Variants in SCD5 observed in about 807,000 individuals in gnomAD.
SCD5 encodes acyl-CoA-desaturase 4.
SCD5 carries 20 observed loss-of-function variants against 30.4 expected under a neutral mutation model. That is an observed-to-expected ratio of 0.66 (90% CI 0.46 to 0.96). SCD5 has a LOEUF of 0.96. Among genes scored for constraint, SCD5 ranks in the 40% least tolerant of loss-of-function variants. The probability of loss-of-function intolerance (pLI) is 0.00; values close to 1 mark genes in which losing one functional copy is unlikely to be tolerated. For missense variants in SCD5, 381 were observed against 443.3 expected (o/e 0.86, Z 1.26); for synonymous variants, 173 against 176.4 (o/e 0.98, Z 0.16).
intron 1 of SCD5, among the ~76,000 whole-genome samples, chr4:82,744,513 T>C (rs1053703640): frequency 6.6e-6 from 1 of 152,162 alleles, no homozygotes; most frequent in Admixed American, 6.5e-5. Context: ...TCTGTTGGCT[T>C]AAAGCCAGTC....
At chr4:82,777,594 A>G (rs1721771487) in intron 1 of SCD5, among the ~76,000 whole-genome samples, 1 of 152,204 alleles carries the variant, frequency 6.6e-6, no homozygotes, top group South Asian at 2.1e-4. Flanking sequence ...GGTTAAATGC[A>G]CTGCTATCAC....
intron 3 of SCD5, among the ~76,000 whole-genome samples, chr4:82,656,602 T>C (rs1433130887): frequency 2.6e-5 from 4 of 152,242 alleles, no homozygotes; most frequent in Admixed American, 2.6e-4. Flanking sequence ...TTATAATCCT[T>C]TGGGCATATA....
chr4:82,664,999 C>CTATATATATA (rs70964800), intron 3 of SCD5, among the ~76,000 whole-genome samples: 108 of 70,458 alleles, frequency 1.5e-3, no homozygotes, highest in African/African-American at 1.8e-3. Flanking sequence ...CTCTCTCTCT[C>CTATATATATA]TATATATATA....
chr4:82,707,534 A>C (rs960962606), intron 1 of SCD5, among the ~76,000 whole-genome samples: 7 of 152,246 alleles, frequency 4.6e-5, no homozygotes, highest in African/African-American at 1.4e-4. Flanking sequence ...GAATATAGCA[A>C]TATTGAGGGA....
rs150605123 is a variant in SCD5 at position 82,763,025 on chromosome 4, C to T, written c.232+35281G>A. Among the ~76,000 whole-genome samples, 3 of 152,298 alleles carry T rather than the reference C, an allele frequency of 2.0e-5. No homozygotes were observed. The East Asian group carries it at 5.8e-4, about 29-fold the overall frequency. Reference sequence around the variant, plus strand: ...CACTGTCATCCTAAGGTCAGAGAGGCACAGCCTGCTGCCCAATAATTACAG... The same window carrying T: ...CACTGTCATCCTAAGGTCAGAGAGGTACAGCCTGCTGCCCAATAATTACAG... On this transcript the variant is annotated intron_variant, in intron 1 of 4. Coordinates refer to ENST00000319540, the MANE Select transcript of SCD5 (RefSeq NM_001037582.3).
In SCD5 at chr4:82,631,515, C is replaced by T; in HGVS notation, c.805G>A (p.Glu269Lys). 1 of 1,613,626 alleles carries T rather than the reference C, an allele frequency of 6.2e-7. No homozygotes were observed. The highest frequency in any genetic ancestry group is 8.5e-7 in the Non-Finnish European group (1 of 1,179,626). Reference protein sequence around the residue: ...NPLVALGAIGEGFHNYHHTFP... With the variant: ...NPLVALGAIGKGFHNYHHTFP... The stretch of plus-strand genomic sequence containing the variant: ...GTGTGATGGTAATTATGGAAGCCTT[C>T]ACCTGGAAGACAAAGCGGGCATTGA... Residue 269 changes from glutamate (E) to lysine (K), a missense_variant and splice_region_variant, in exon 5 of 5, where the codon GAA becomes AAA. Glu to Lys is a moderately conservative substitution (Grantham distance 56). Transcript: ENST00000319540.
intron 3 of SCD5, among the ~76,000 whole-genome samples, chr4:82,655,888 A>G (rs539514587): frequency 6.6e-6 from 1 of 152,324 alleles, no homozygotes; most frequent in South Asian, 2.1e-4. Flanking sequence ...TGTTGCTGAC[A>G]TGTCTGCTGT....
chr4:82,677,322 T>G (rs1002335580), intron 3 of SCD5, among the ~76,000 whole-genome samples: 1 of 152,202 alleles, frequency 6.6e-6, no homozygotes, highest in African/African-American at 2.4e-5. Flanking sequence ...CCATGAGAAG[T>G]GTGCCACTGA....
At chr4:82,700,652 T>A (rs1474780172) in intron 2 of SCD5, among the ~76,000 whole-genome samples, 1 of 151,938 alleles carries the variant, frequency 6.6e-6, no homozygotes, top group South Asian at 2.1e-4. Context: ...CTGGGTGTGG[T>A]GCTATGTGCC....
chr4:82,789,516 G>C (rs1276073442), intron 1 of SCD5, among the ~76,000 whole-genome samples: 1 of 152,194 alleles, frequency 6.6e-6, no homozygotes, highest in Non-Finnish European at 1.5e-5. Flanking sequence ...AAGCTCCCAG[G>C]TGATGCTGAT....
intron 1 of SCD5, among the ~76,000 whole-genome samples, chr4:82,725,742 C>A (rs1415016101): frequency 6.6e-6 from 1 of 152,054 alleles, no homozygotes; most frequent in Non-Finnish European, 1.5e-5. Flanking sequence ...TGCCTGTAGT[C>A]CCAGCTACCC....
At chr4:82,637,520 C>T (rs1417041095) in intron 3 of SCD5, among the ~76,000 whole-genome samples, 3 of 152,242 alleles carry the variant, frequency 2.0e-5, no homozygotes, top group African/African-American at 7.2e-5. Flanking sequence ...GAGCTAAGTG[C>T]TGGCAATACA....
chr4:82,641,540 G>A (rs1727547524), intron 3 of SCD5, among the ~76,000 whole-genome samples: 1 of 152,166 alleles, frequency 6.6e-6, no homozygotes, highest in Non-Finnish European at 1.5e-5. Context: ...AAGACTTGGG[G>A]AAGTGAGAAG....
intron 1 of SCD5, among the ~76,000 whole-genome samples, chr4:82,739,547 G>A (rs961261549): frequency 6.6e-6 from 1 of 152,278 alleles, no homozygotes; most frequent in Non-Finnish European, 1.5e-5. Flanking sequence ...CCTGCTGGTT[G>A]TGTGCGGTGG....
chr4:82,715,767 C>T (rs561275053), intron 1 of SCD5, among the ~76,000 whole-genome samples: 1 of 151,800 alleles, frequency 6.6e-6, no homozygotes, highest in African/African-American at 2.4e-5. Context: ...GAACTCTTAG[C>T]TGTCATAGGA....
At chr4:82,757,846 T>A (rs1721265590) in intron 1 of SCD5, among the ~76,000 whole-genome samples, 1 of 152,180 alleles carries the variant, frequency 6.6e-6, no homozygotes, top group South Asian at 2.1e-4. Flanking sequence ...TCCTAACACA[T>A]GAAAAATACC....
intron 1 of SCD5, among the ~76,000 whole-genome samples, chr4:82,734,139 G>A (rs939899898): frequency 1.3e-5 from 2 of 152,200 alleles, no homozygotes; most frequent in South Asian, 2.1e-4. Flanking sequence ...CAAGCTTATG[G>A]GGCAAGAAGG....
intron 1 of SCD5, among the ~76,000 whole-genome samples, chr4:82,794,252 G>A (rs1722160118): frequency 6.6e-6 from 1 of 152,194 alleles, no homozygotes; most frequent in Non-Finnish European, 1.5e-5. Context: ...CAGGATAGAA[G>A]GATGGCTGAT....
intron 3 of SCD5, among the ~76,000 whole-genome samples, chr4:82,641,253 C>CAAAAA (rs10708492): frequency 9.6e-5 from 5 of 52,216 alleles, no homozygotes; most frequent in Non-Finnish European, 1.4e-4. Flanking sequence ...AACTCCATCT[C>CAAAAA]AAAAAAAAAA....
Sources: gnomAD v4.1 joint callset for allele counts (sites outside exome capture counted in the v4.1 genomes callset) on GRCh38, gnomAD v4.1.1 for gene constraint, MANE v1.5 for transcripts, NCBI Gene and HGNC (gene_info 2026-07-23, HGNC 2026-07-21) for gene names.